MGAT4C: variants seen among roughly 807,000 people sequenced by gnomAD.
MGAT4C encodes MGAT4 family member C.
A neutral mutation model predicts 40.1 loss-of-function variants in MGAT4C; 19 were observed. That is an observed-to-expected ratio of 0.47 (90% CI 0.33 to 0.70). The LOEUF is 0.70. Among genes scored for constraint, MGAT4C ranks in the 30% least tolerant of loss-of-function variants. The pLI is 0.02. For missense variants in MGAT4C, 491 were observed against 563.2 expected, an observed-to-expected ratio of 0.87 and a Z score of 1.30; for synonymous variants, 181 against 187.1, an observed-to-expected ratio of 0.97 and a Z score of 0.27.
intron 2 of MGAT4C, among the ~76,000 whole-genome samples, chr12:86,451,286 C>T (rs1030220879): frequency 3.3e-5 from 5 of 152,114 alleles, no homozygotes; most frequent in African/African-American, 1.2e-4. Flanking sequence ...GCTCCTGCTT[C>T]ATCTACCTCC....
intron 2 of MGAT4C, among the ~76,000 whole-genome samples, chr12:86,510,242 A>T (rs940574810): frequency 1.3e-5 from 2 of 152,084 alleles, no homozygotes; most frequent in African/African-American, 4.8e-5. Flanking sequence ...TCCCATCAAT[A>T]CCTAATTTAT....
chr12:86,786,758 T>C (rs1044229729), intron 1 of MGAT4C, among the ~76,000 whole-genome samples: 1 of 152,170 alleles, frequency 6.6e-6, no homozygotes, highest in Non-Finnish European at 1.5e-5. Flanking sequence ...CTGTATTACT[T>C]ACGTCAATCC....
At chr12:86,502,107 A>T (rs1958355675) in intron 2 of MGAT4C, among the ~76,000 whole-genome samples, 1 of 152,146 alleles carries the variant, frequency 6.6e-6, no homozygotes, top group African/African-American at 2.4e-5. Flanking sequence ...TAAATGAATG[A>T]ACAGTCTGTG....
At chr12:86,032,748 C>T (rs759542773) in intron 2 of MGAT4C, among the ~76,000 whole-genome samples, 5 of 149,396 alleles carry the variant, frequency 3.3e-5, no homozygotes, top group Admixed American at 1.3e-4. Context: ...TCTTTCACTG[C>T]GCAGAAGCTT....
At chr12:86,150,250 C>CT (rs1884108701) in intron 1 of MGAT4C, among the ~76,000 whole-genome samples, 1 of 152,204 alleles carries the variant, frequency 6.6e-6, no homozygotes, top group South Asian at 2.1e-4. Context: ...CCACTCACCT[C>CT]TGTCTGTGTG....
intron 3 of MGAT4C, among the ~76,000 whole-genome samples, chr12:86,376,195 A>G (rs1339283433): frequency 6.8e-6 from 1 of 146,180 alleles, no homozygotes; most frequent in Non-Finnish European, 1.5e-5. Context: ...AGCCAGCCTG[A>G]GAGACATGGA....
intron 2 of MGAT4C, among the ~76,000 whole-genome samples, chr12:86,511,450 C>G (rs1958583610): frequency 6.6e-6 from 1 of 152,098 alleles, no homozygotes; most frequent in Non-Finnish European, 1.5e-5. Context: ...GAACTGTTTT[C>G]TTAATTTTCT....
chr12:86,322,751 T>A (rs1309472430), intron 4 of MGAT4C, among the ~76,000 whole-genome samples: 1 of 152,114 alleles, frequency 6.6e-6, no homozygotes, highest in East Asian at 1.9e-4. Flanking sequence ...TTTTTACAAG[T>A]CCAATAACGT....
At chr12:86,242,345 T>C (rs1951825189) in intron 1 of MGAT4C, among the ~76,000 whole-genome samples, 1 of 152,140 alleles carries the variant, frequency 6.6e-6, no homozygotes, top group African/African-American at 2.4e-5. Flanking sequence ...CTGGATTTGG[T>C]AAACATAGAT....
intron 3 of MGAT4C, among the ~76,000 whole-genome samples, chr12:86,427,144 G>A (rs1018602216): frequency 7.2e-5 from 11 of 152,076 alleles, no homozygotes; most frequent in Non-Finnish European, 1.3e-4. Context: ...AAGCTTCTTG[G>A]AGGGAAAAGT....
chr12:86,432,905 A>T (rs1264417490), intron 3 of MGAT4C, among the ~76,000 whole-genome samples: 2 of 151,866 alleles, frequency 1.3e-5, no homozygotes, highest in Non-Finnish European at 2.9e-5. Flanking sequence ...TTTTTTCATA[A>T]AATTGAAGTT....
At chr12:86,383,349 C>T (rs1003064595) in intron 3 of MGAT4C, among the ~76,000 whole-genome samples, 15 of 151,834 alleles carry the variant, frequency 9.9e-5, no homozygotes, top group African/African-American at 2.2e-4. Flanking sequence ...GTCAAGAGAT[C>T]GAGACCATCC....
intron 2 of MGAT4C, among the ~76,000 whole-genome samples, chr12:86,524,446 G>C (rs1006118112): frequency 6.6e-6 from 1 of 151,926 alleles, no homozygotes; most frequent in African/African-American, 2.4e-5. Context: ...CTGTTAGTCT[G>C]ATGAGCTTCC....
chr12:86,292,801 T>C (rs1171658444), intron 4 of MGAT4C, among the ~76,000 whole-genome samples: 16 of 151,954 alleles, frequency 1.1e-4, no homozygotes, highest in Admixed American at 1.1e-3. Context: ...GAGTTATTTA[T>C]TATTAGTGGG....
At chr12:86,081,689 T>C (rs149223713) in intron 1 of MGAT4C, among the ~76,000 whole-genome samples, 64 of 152,224 alleles carry the variant, frequency 4.2e-4, no homozygotes, top group African/African-American at 1.4e-3. Flanking sequence ...GCTTGCACAT[T>C]GAGGCCTTGT....
chr12:86,471,875 T>C (rs1957762417), intron 2 of MGAT4C, among the ~76,000 whole-genome samples: 1 of 152,118 alleles, frequency 6.6e-6, no homozygotes, highest in Admixed American at 6.5e-5. Context: ...TTCCAAATCA[T>C]AGAATTCACT....
intron 3 of MGAT4C, among the ~76,000 whole-genome samples, chr12:86,352,312 T>C (rs570396897): frequency 6.6e-6 from 1 of 152,212 alleles, no homozygotes; most frequent in Non-Finnish European, 1.5e-5. Flanking sequence ...TATAAAACTT[T>C]GACATCCTTG....
At chr12:86,774,343 C>CTTTCTTTCTTTTTCTT (rs1565981678) in intron 1 of MGAT4C, among the ~76,000 whole-genome samples, 4 of 54,554 alleles carry the variant, frequency 7.3e-5, no homozygotes, top group Admixed American at 2.1e-4. Context: ...TTCTTTCTGT[C>CTTTCTTTCTTTTTCTT]TCTCTCTCTC....
At chr12:86,359,477 A>G (rs1359555138) in intron 3 of MGAT4C, among the ~76,000 whole-genome samples, 1 of 152,142 alleles carries the variant, frequency 6.6e-6, no homozygotes, top group African/African-American at 2.4e-5. Flanking sequence ...AACTAAGATT[A>G]GAGAAGAACT....
Sources: gnomAD v4.1 joint callset for allele counts (sites outside exome capture counted in the v4.1 genomes callset) on GRCh38, gnomAD v4.1.1 for gene constraint, MANE v1.5 for transcripts, NCBI Gene and HGNC (gene_info 2026-07-23, HGNC 2026-07-21) for gene names.